Variants in NCBP1 observed in about 807,000 individuals in gnomAD.
The protein encoded by NCBP1 is nuclear cap binding protein subunit 1.
In NCBP1, 16 loss-of-function variants were observed where a neutral mutation model predicts 111.7. The ratio of observed to expected loss-of-function variants is 0.14; its 90% CI spans 0.10 to 0.22. The LOEUF (loss-of-function observed/expected upper bound fraction) is 0.22. Ranked by LOEUF, NCBP1 falls within the 10% of genes least tolerant of loss-of-function variation. The pLI, the probability that NCBP1 is intolerant of heterozygous loss-of-function variation, is 1.00. For missense variants in NCBP1, 607 were observed against 957.5 expected (o/e 0.63, Z 4.83); for synonymous variants, 304 against 314.3 (o/e 0.97, Z 0.35).
chr9:97,644,761 C>T (rs1827287908), intron 4 of NCBP1, among the ~76,000 whole-genome samples: 1 of 152,138 alleles, frequency 6.6e-6, no homozygotes. Flanking sequence ...AGATTACTGT[C>T]CTTTATATAG....
At chr9:97,663,125 T>C in intron 18 of NCBP1, 78 bp downstream of exon 18, 1 of 1,143,172 alleles carries the variant, frequency 8.7e-7, no homozygotes, top group Non-Finnish European at 1.3e-6. Flanking sequence ...GCCATTGTTT[T>C]GTTTGTAAAA....
In NCBP1 at chr9:97,647,697, C is replaced by T. The variant is rs527855429; in HGVS notation, c.681+136C>T. 1.3e-5 allele frequency: 10 copies of T among 744,842 alleles called. No homozygotes were observed. In the African/African-American group the frequency reaches 1.6e-4, roughly 12 times the overall value. The allele number at this position is 744,842 out of a possible 1,614,324, so 46.1% of individuals were successfully genotyped here. On this transcript the variant is annotated intron_variant, in intron 7 of 22. Coordinates refer to ENST00000375147, the MANE Select transcript of NCBP1 (RefSeq NM_002486.5). ...ATTTCATGATAGTTCCTTCTCATAG[C>T]TCAAGGTGTATGGTAGGTCTTTAAT...
Position 97,662,079 on chromosome 9 carries a change from C to G in NCBP1, c.1638C>G (p.Val546=). 1 of 1,613,838 alleles carries G rather than the reference C, an allele frequency of 6.2e-7. No individual in the cohort carries two copies. The highest frequency in any genetic ancestry group is 8.5e-7 in the Non-Finnish European group (1 of 1,179,778). ...GTTTTAACCCATTGAAAATAGAAGT[C>G]TTTGTACAGACTCTGCTACACTTGG... The part of the protein sequence containing the change: ...GFSFNPLKIE[V]FVQTLLHLAA... The change falls in exon 17 of 23, where the codon GTC becomes GTG. Residue 546 remains valine, a synonymous_variant. Coordinates refer to ENST00000375147, the MANE Select transcript of NCBP1 (RefSeq NM_002486.5).
intron 1 of NCBP1, among the ~76,000 whole-genome samples, chr9:97,639,259 G>C (rs1417952436): frequency 6.6e-6 from 1 of 152,302 alleles, no homozygotes; most frequent in Admixed American, 6.5e-5. Flanking sequence ...TTGACGTACA[G>C]AGTGTCTTAC....
chr9:97,655,171 C>A (rs1827614171), intron 12 of NCBP1, among the ~76,000 whole-genome samples: 1 of 152,132 alleles, frequency 6.6e-6, no homozygotes, highest in South Asian at 2.1e-4. Context: ...GTATCAAAGA[C>A]TATACTTTGG....
chr9:97,657,168 G>C (rs370212584), intron 14 of NCBP1, among the ~76,000 whole-genome samples: 12 of 152,038 alleles, frequency 7.9e-5, no homozygotes, highest in East Asian at 5.8e-4. Flanking sequence ...GGGTTTCACT[G>C]TGTTAGCTGG....
chr9:97,656,748 A>G (rs1351727858), intron 14 of NCBP1, among the ~76,000 whole-genome samples: 1 of 152,102 alleles, frequency 6.6e-6, no homozygotes, highest in Admixed American at 6.5e-5. Flanking sequence ...CTTTGAGAAT[A>G]AGCTGCATAC....
rs770066641 is a variant in NCBP1, at chr9:97,643,297, A to C, written c.318A>C (p.Glu106Asp). 18 of 1,609,640 alleles carry C rather than the reference A, an allele frequency of 1.1e-5. No homozygotes were observed. The highest frequency in any genetic ancestry group is 5.9e-6 in the Non-Finnish European group (7 of 1,178,746). Residue 106 changes from glutamate to aspartate, a missense_variant, in exon 4 of 23, where the codon GAA (glutamate) becomes GAC (aspartate). By Grantham distance (45) the Glu-to-Asp change is conservative (BLOSUM62 2). Transcript: ENST00000375147. The part of the protein sequence containing the change: ...RNYNFGGEFV[E>D]AMIRQLKESL... ...ACAATTTTGGTGGAGAATTTGTAGA[A>C]GCCATGATTCGTCAACTTAAAGAAT...
intron 12 of NCBP1, among the ~76,000 whole-genome samples, 153 bp from the exon 13 acceptor site, chr9:97,655,549 A>G (rs183344937): frequency 6.6e-6 from 1 of 152,344 alleles, no homozygotes; most frequent in Admixed American, 6.5e-5. Context: ...GGATAAAGAG[A>G]GTTGGCAGAA....
Position 97,650,674 on chromosome 9 carries a change from ATGTTG to A in NCBP1, c.995+75_995+79del. ...TGATAATTCAGTAAGAGCAAAATAT[ATGTTG>A]AGAGTGTAAGAAAATTTTATCCTCC... On this transcript the variant is annotated intron_variant, in intron 9 of 22. Transcript: ENST00000375147. 3.2e-6 allele frequency: 4 copies of A among 1,266,072 alleles called. No individual in the cohort carries two copies. The South Asian group carries it at 5.2e-5, about 16-fold the overall frequency. The allele number at this position is 1,266,072 out of a possible 1,614,324, so 78.4% of individuals were successfully genotyped here.
intron 1 of NCBP1, among the ~76,000 whole-genome samples, chr9:97,638,753 G>T (rs138164141): frequency 4.8e-4 from 73 of 152,060 alleles, no homozygotes; most frequent in Non-Finnish European, 1.0e-3. Flanking sequence ...CCTATGCAAC[G>T]TGAGATATTT....
At chr9:97,663,592 C>T (rs967015445) in intron 18 of NCBP1, among the ~76,000 whole-genome samples, 1 of 151,930 alleles carries the variant, frequency 6.6e-6, no homozygotes, top group Non-Finnish European at 1.5e-5. Context: ...TCAAGTGATT[C>T]CCCTGCCTCA....
At chr9:97,643,747 C>G (rs1413397943) in intron 4 of NCBP1, among the ~76,000 whole-genome samples, 2 of 152,080 alleles carry the variant, frequency 1.3e-5, no homozygotes, top group African/African-American at 4.8e-5. Context: ...TAGGTGTTCC[C>G]AATCCCTGTC....
At chr9:97,639,431 C>T (rs1490478808) in intron 1 of NCBP1, among the ~76,000 whole-genome samples, 1 of 152,140 alleles carries the variant, frequency 6.6e-6, no homozygotes, top group Non-Finnish European at 1.5e-5. Flanking sequence ...ATGAGAATCA[C>T]CATACATCAT....
Position 97,672,334 on chromosome 9 carries a change from A to G in NCBP1, c.*1135A>G, listed in dbSNP as rs924807136. ...TTTTTTCTTATTACATCCCAAGTTT[A>G]TGATGCATTAAGCGTTTTGCATATT... On this transcript the variant is annotated 3_prime_UTR_variant, in exon 23 of 23. Transcript: ENST00000375147. 6.6e-6 allele frequency: 1 copy of G among 152,182 alleles called. No homozygotes were observed. 9.4% of individuals were successfully genotyped at this position (152,182 alleles called of 1,614,324 possible).
chr9:97,665,313 T>C (rs914045299), intron 19 of NCBP1, among the ~76,000 whole-genome samples: 1 of 152,234 alleles, frequency 6.6e-6, no homozygotes, highest in Non-Finnish European at 1.5e-5. Context: ...TTTTAACCAT[T>C]GTCCTGAGTG....
chr9:97,661,641 G>T (rs1827837671), intron 16 of NCBP1, among the ~76,000 whole-genome samples: 1 of 151,186 alleles, frequency 6.6e-6, no homozygotes, highest in Admixed American at 6.6e-5. Flanking sequence ...TTTGTATTAT[G>T]ATATTAGAGA....
At position 97,643,781 on chromosome 9, in the gene NCBP1, C is replaced by G. The variant is rs920304278; in HGVS notation, c.381+421C>G. ...TCAATTCTGTCTCCCTAATTTCTCT[C>G]AAGTCTGTCCTTTCTTAGTCTCCAG... is the stretch of plus-strand genomic sequence containing the variant. On this transcript the variant is annotated intron_variant, in intron 4 of 22. Coordinates refer to ENST00000375147, the MANE Select transcript of NCBP1 (RefSeq NM_002486.5). 2.0e-5 allele frequency among the ~76,000 whole-genome samples: 3 copies of G among 152,138 alleles called. No homozygotes were observed. In the East Asian group the frequency reaches 5.8e-4, roughly 29 times the overall value.
At chr9:97,644,969 C>A in intron 4 of NCBP1, 148 bp from the exon 5 acceptor site, 1 of 491,714 alleles carries the variant, frequency 2.0e-6, no homozygotes, top group Non-Finnish European at 3.7e-6. Flanking sequence ...TTTTAGTTCC[C>A]AGCTATGCAA....
Sources: allele counts gnomAD v4.1 joint callset (sites outside exome capture counted in the v4.1 genomes callset), GRCh38; gene constraint gnomAD v4.1.1; transcripts MANE v1.5; gene names NCBI Gene and HGNC (gene_info 2026-07-23, HGNC 2026-07-21).